Variants in RSU1 observed in about 807,000 individuals in gnomAD.
RSU1 encodes the protein rsu-1.
In RSU1, 26 loss-of-function variants were observed where a neutral mutation model predicts 31.1. That is an observed-to-expected ratio of 0.84 (90% CI 0.61 to 1.16). The LOEUF is 1.16. RSU1 is among the 50% of genes most tolerant of loss of function. The pLI, the probability that RSU1 is intolerant of heterozygous loss-of-function variation, is 0.00. For missense variants in RSU1, 320 were observed against 339.1 expected (o/e 0.94, Z 0.44); for synonymous variants, 164 against 136.3 (o/e 1.20, Z -1.41).
In RSU1 at chr10:16,745,679, G is replaced by A. The variant is rs1039898462; in HGVS notation, c.598+6860C>T. On this transcript the variant is annotated intron_variant, in intron 7 of 8. Coordinates refer to ENST00000345264, the MANE Select transcript of RSU1 (RefSeq NM_012425.4). Reference sequence around the variant, plus strand: ...TCTCCCACCAGGTCCCTCCCACAACGCGTGGGAATTATGGGAGCTACCAGA... The same window carrying A: ...TCTCCCACCAGGTCCCTCCCACAACACGTGGGAATTATGGGAGCTACCAGA... Among the ~76,000 whole-genome samples, 5 of 152,246 alleles carry A rather than the reference G, an allele frequency of 3.3e-5. No homozygotes were observed. In the East Asian group the frequency reaches 5.8e-4, roughly 18 times the overall value.
At position 16,708,966 on chromosome 10, in the gene RSU1, T is replaced by A. The variant is rs1450559879; in HGVS notation, c.599-13811A>T. ...TCCCATAACTACTGAATTCATTTAT[T>A]AGTTCTACCAGTTCTTTAGTAGAGT... On this transcript the variant is annotated intron_variant, in intron 7 of 8. Transcript: ENST00000345264. 2.0e-5 allele frequency among the ~76,000 whole-genome samples: 3 copies of A among 152,020 alleles called. No individual in the cohort carries two copies. In the East Asian group the frequency reaches 5.8e-4, roughly 29 times the overall value.
chr10:16,711,871 G>A (rs2131581088), intron 7 of RSU1, among the ~76,000 whole-genome samples: 2 of 152,296 alleles, frequency 1.3e-5, no homozygotes, highest in South Asian at 4.1e-4. Context: ...CTGTTAAAAT[G>A]TTCTGTAAAT....
intron 8 of RSU1, among the ~76,000 whole-genome samples, chr10:16,629,250 G>A (rs537715100): frequency 1.3e-5 from 2 of 152,236 alleles, no homozygotes; most frequent in East Asian, 3.9e-4. Context: ...AGGTGATATC[G>A]ATGCTGCTGT....
intron 8 of RSU1, among the ~76,000 whole-genome samples, chr10:16,631,269 G>A (rs550846515): frequency 4.3e-4 from 66 of 152,300 alleles, no homozygotes; most frequent in African/African-American, 1.6e-3. Context: ...GGTTCCGAGC[G>A]TGTCTCCAGA....
chr10:16,770,825 C>T (rs571865321), intron 3 of RSU1, among the ~76,000 whole-genome samples: 73 of 152,334 alleles, frequency 4.8e-4, no homozygotes, highest in East Asian at 1.3e-3. Flanking sequence ...GCTACTGTCT[C>T]GTGCCCATTT....
intron 8 of RSU1, among the ~76,000 whole-genome samples, chr10:16,656,207 G>C (rs888958636): frequency 1.3e-5 from 2 of 152,068 alleles, no homozygotes; most frequent in African/African-American, 4.8e-5. Context: ...ATTAATATTT[G>C]ACATGTATCC....
intron 8 of RSU1, among the ~76,000 whole-genome samples, chr10:16,620,844 CAAA>C (rs11354712): frequency 7.6e-6 from 1 of 130,932 alleles, no homozygotes; most frequent in Non-Finnish European, 1.7e-5. Flanking sequence ...GACTCCATCT[CAAA>C]AAAAAAAAAA....
intron 8 of RSU1, among the ~76,000 whole-genome samples, chr10:16,642,264 C>T (rs1834455412): frequency 6.6e-6 from 1 of 152,070 alleles, no homozygotes; most frequent in East Asian, 1.9e-4. Context: ...AGGCAAGGGA[C>T]ATGGTAATAA....
At chr10:16,796,046 G>A (rs1020267808) in intron 2 of RSU1, among the ~76,000 whole-genome samples, 2 of 152,116 alleles carry the variant, frequency 1.3e-5, no homozygotes, top group East Asian at 3.9e-4. Flanking sequence ...TCCTAAACCT[G>A]CTGTCTGTAC....
intron 8 of RSU1, among the ~76,000 whole-genome samples, chr10:16,680,248 G>A (rs898630468): frequency 3.6e-4 from 55 of 151,930 alleles, no homozygotes; most frequent in Non-Finnish European, 6.0e-4. Context: ...AAACAGTGCC[G>A]AGAATACAGC....
intron 7 of RSU1, among the ~76,000 whole-genome samples, chr10:16,720,988 CATAA>C (rs1010601328): frequency 2.6e-5 from 4 of 152,062 alleles, no homozygotes; most frequent in Non-Finnish European, 4.4e-5. Context: ...CCCTATCTCA[CATAA>C]ATAAATAAAT....
intron 8 of RSU1, among the ~76,000 whole-genome samples, chr10:16,680,268 C>T (rs1835305469): frequency 1.3e-5 from 2 of 151,916 alleles, no homozygotes; most frequent in Non-Finnish European, 2.9e-5. Context: ...CAGACACAGG[C>T]CTGTGTCTCA....
At chr10:16,753,245 G>A (rs1332792904) in intron 5 of RSU1, among the ~76,000 whole-genome samples, 5 of 152,218 alleles carry the variant, frequency 3.3e-5, no homozygotes, top group Non-Finnish European at 7.3e-5. Flanking sequence ...GTGGGCGCCA[G>A]CATTTTGGGG....
intron 7 of RSU1, among the ~76,000 whole-genome samples, chr10:16,703,251 T>A (rs971652367): frequency 1.4e-4 from 22 of 152,204 alleles, no homozygotes; most frequent in Non-Finnish European, 2.5e-4. Flanking sequence ...GTCTAAGGCA[T>A]TTCTTTATAG....
intron 7 of RSU1, among the ~76,000 whole-genome samples, chr10:16,713,372 C>T (rs1463545912): frequency 6.6e-6 from 1 of 152,222 alleles, no homozygotes; most frequent in Non-Finnish European, 1.5e-5. Context: ...ATGAGTCCCA[C>T]AGGCTTTCTT....
chr10:16,669,698 G>A (rs1398912581), intron 8 of RSU1, among the ~76,000 whole-genome samples: 1 of 152,152 alleles, frequency 6.6e-6, no homozygotes, highest in Non-Finnish European at 1.5e-5. Context: ...CTGTTCCTGT[G>A]TTAGTTTGCT....
At chr10:16,756,085 C>A (rs1282206358) in intron 4 of RSU1, among the ~76,000 whole-genome samples, 1 of 152,130 alleles carries the variant, frequency 6.6e-6, no homozygotes, top group Non-Finnish European at 1.5e-5. Context: ...GATTTCATTC[C>A]ATTTATTCCT....
At chr10:16,609,660 T>C (rs939564636) in intron 8 of RSU1, among the ~76,000 whole-genome samples, 3 of 152,206 alleles carry the variant, frequency 2.0e-5, no homozygotes, top group African/African-American at 7.2e-5. Flanking sequence ...CCATGTTCTG[T>C]AACAATCGTC....
At chr10:16,722,967 T>TATATGTATATATACACACATATAC (rs1836308085) in intron 7 of RSU1, 2 of 148,952 alleles carry the variant, frequency 1.3e-5, no homozygotes, top group Non-Finnish European at 3.0e-5. Flanking sequence ...CACATATACA[T>TATATGTATATATACACACATATAC]ATATGTATAT....
Sources: gnomAD v4.1 joint callset for allele counts (sites outside exome capture counted in the v4.1 genomes callset) on GRCh38, gnomAD v4.1.1 for gene constraint, MANE v1.5 for transcripts, NCBI Gene and HGNC (gene_info 2026-07-23, HGNC 2026-07-21) for gene names.